Variants in WDFY3 observed in about 807,000 individuals in gnomAD.
The protein encoded by WDFY3 is WD repeat and FYVE domain containing 3, also known as WD repeat and FYVE domain-containing protein 3.
In WDFY3, 66 loss-of-function variants were observed where a neutral mutation model predicts 409.6. The observed-to-expected ratio is 0.16, with a 90% CI of 0.13 to 0.20. The LOEUF (loss-of-function observed/expected upper bound fraction) is 0.20, where lower values mean the gene tolerates loss of function less well. Ranked by LOEUF, WDFY3 falls within the 10% of genes least tolerant of loss-of-function variation. The pLI is 1.00. For missense variants in WDFY3, 3,031 were observed against 4,298.1 expected, an observed-to-expected ratio of 0.71 and a Z score of 8.24; for synonymous variants, 1,521 against 1,537.1, an observed-to-expected ratio of 0.99 and a Z score of 0.25.
At chr4:84,920,091 G>A (rs1401209696) in intron 2 of WDFY3, among the ~76,000 whole-genome samples, 2 of 152,062 alleles carry the variant, frequency 1.3e-5, no homozygotes, top group Non-Finnish European at 2.9e-5. Flanking sequence ...TCTGAAAAGG[G>A]AGAGAAAGGA....
chr4:84,767,636 A>T (rs1339481421), intron 30 of WDFY3, among the ~76,000 whole-genome samples: 6 of 151,876 alleles, frequency 4.0e-5, no homozygotes. Context: ...AAAAAAAAAA[A>T]GAAAAGAAAC....
In WDFY3 at chr4:84,722,499, T is replaced by C. The variant is rs534557157; in HGVS notation, c.7442-927A>G. Among the ~76,000 whole-genome samples the C allele has an allele frequency of 9.3e-4, 141 of 152,342 alleles. 3 individuals are homozygous for C. The South Asian group carries it at 0.028, about 30-fold the overall frequency. ...GGCAGTATGGCTTTTCATACATGAA[T>C]TAATTTGATCAAAATACCAGGTCAG... On this transcript the variant is annotated intron_variant, in intron 46 of 67. Coordinates refer to ENST00000295888, the MANE Select transcript of WDFY3 (RefSeq NM_014991.6).
At chr4:84,844,792 C>G (rs1757857762) in intron 5 of WDFY3, among the ~76,000 whole-genome samples, 1 of 152,166 alleles carries the variant, frequency 6.6e-6, no homozygotes, top group African/African-American at 2.4e-5. Flanking sequence ...GCTGAGCTAA[C>G]TAGAAGAGAT....
rs1731577270 is a variant in WDFY3 at position 84,704,410 on chromosome 4, A to G, written c.8370T>C (p.Tyr2790=). 6.2e-7 allele frequency: 1 copy of G among 1,613,306 alleles called. No individual in the cohort carries two copies. The highest frequency in any genetic ancestry group is 1.3e-5 in the African/African-American group (1 of 75,036). Residue 2790 remains tyrosine (Y), a synonymous_variant, in exon 55 of 68, where the codon TAT becomes TAC. Transcript: ENST00000295888. The part of the protein sequence containing the change: ...ETPAYHYGTH[Y]SSAMIVASYL... ...ATGAGGCCACAATCATTGCAGATGA[A>G]TAGTGGGTCCCATAGTGGTATGCAG...
At chr4:84,929,401 T>C (rs1213307019) in intron 2 of WDFY3, among the ~76,000 whole-genome samples, 1 of 151,856 alleles carries the variant, frequency 6.6e-6, no homozygotes, top group Non-Finnish European at 1.5e-5. Context: ...CAAAAACAGA[T>C]AATGTTTGCA....
rs757073200 is a variant in WDFY3 at position 84,810,334 on chromosome 4, G to A, written c.1898C>T (p.Ser633Leu). 22 of 1,588,226 alleles carry A rather than the reference G, an allele frequency of 1.4e-5. No homozygotes were observed. The highest frequency in any genetic ancestry group is 8.6e-5 in the Admixed American group (5 of 58,020). ...LKTDILRALL[S>L]VLRESHRSRT... ...TGAACGATGGCTTTCTCGAAGGACCGACAGGAGGGCCTACAGGAGACAAAA... is the reference window on the plus strand; with the variant it reads ...TGAACGATGGCTTTCTCGAAGGACCAACAGGAGGGCCTACAGGAGACAAAA... Residue 633 changes from serine (S) to leucine (L), a missense_variant, in exon 14 of 68, where the codon TCG becomes TTG. This residue lies in a region of WDFY3 where 1,322 missense variants were observed against 1,697.9 expected (regional missense o/e 0.78). Transcript: ENST00000295888.
intron 2 of WDFY3, among the ~76,000 whole-genome samples, chr4:84,905,716 C>T (rs1488919400): frequency 6.6e-6 from 1 of 152,180 alleles, no homozygotes. Context: ...AAAAGCCATA[C>T]TCCTTACCAT....
At chr4:84,852,728 T>A (rs957371868) in intron 4 of WDFY3, among the ~76,000 whole-genome samples, 15 of 152,150 alleles carry the variant, frequency 9.9e-5, no homozygotes, top group African/African-American at 3.6e-4. Flanking sequence ...ATACTACTTG[T>A]TAAATAATCT....
At chr4:84,704,893 A>G (rs1184641795) in intron 54 of WDFY3, among the ~76,000 whole-genome samples, 5 of 152,218 alleles carry the variant, frequency 3.3e-5, no homozygotes, top group Admixed American at 3.3e-4. Flanking sequence ...AAGAGTTCAC[A>G]TAGGACTACA....
chr4:84,677,575 A>C (rs749921898), intron 66 of WDFY3, among the ~76,000 whole-genome samples, 179 bp from the exon 67 acceptor site: 4 of 152,204 alleles, frequency 2.6e-5, no homozygotes, highest in Admixed American at 6.5e-5. Flanking sequence ...ACCGAGCCCA[A>C]ATTTACACTT....
chr4:84,692,043 C>A (rs1729353966), intron 59 of WDFY3, among the ~76,000 whole-genome samples: 1 of 152,206 alleles, frequency 6.6e-6, no homozygotes, highest in South Asian at 2.1e-4. Flanking sequence ...TGGGTACTAC[C>A]ATTCAGGTTT....
intron 3 of WDFY3, among the ~76,000 whole-genome samples, chr4:84,871,379 T>A (rs886388281): frequency 6.6e-6 from 1 of 152,128 alleles, no homozygotes; most frequent in Admixed American, 6.5e-5. Flanking sequence ...AACATACCAA[T>A]TTCCCACCCA....
At chr4:84,715,206 T>G in intron 50 of WDFY3, 92 bp downstream of exon 50, 1 of 689,462 alleles carries the variant, frequency 1.5e-6, no homozygotes. Context: ...GGCTCATTGA[T>G]CTAGATTTTT....
Position 84,820,087 on chromosome 4 carries a change from G to C in WDFY3, c.1691C>G (p.Ala564Gly). The C allele has an allele frequency of 1.3e-6, 2 of 1,597,342 alleles. No individual in the cohort carries two copies. Among genetic ancestry groups the C allele is most frequent in the Admixed American group, 1.7e-5 (1 of 57,692 alleles). Reference sequence around the variant, plus strand: ...TTGCTTGCAGCTTTTTAAATTACCTGCATTTGTGTTTGATCCTTGAAGAAG... The same window carrying C: ...TTGCTTGCAGCTTTTTAAATTACCTCCATTTGTGTTTGATCCTTGAAGAAG... ...TVLLQGSNTN[A>G]GIFREFGGAR... Residue 564 changes from alanine (A) to glycine (G), a missense_variant and splice_region_variant, in exon 12 of 68, where the codon GCA becomes GGA. Ala to Gly is a moderately conservative substitution (Grantham distance 60, BLOSUM62 0). This residue lies in a region of WDFY3 where 1,322 missense variants were observed against 1,697.9 expected (regional missense o/e 0.78). Transcript: ENST00000295888.
intron 24 of WDFY3, 24 bp downstream of exon 24, chr4:84,785,955 A>G: frequency 6.2e-7 from 1 of 1,612,814 alleles, no homozygotes; most frequent in Non-Finnish European, 8.5e-7. Context: ...CAGCCATAGT[A>G]CACCAAGAAA....
At chr4:84,762,592 A>T (rs932197077) in intron 32 of WDFY3, among the ~76,000 whole-genome samples, 2 of 151,972 alleles carry the variant, frequency 1.3e-5, no homozygotes, top group Non-Finnish European at 2.9e-5. Context: ...GTGCACATGT[A>T]CCCTAAAACT....
intron 36 of WDFY3, among the ~76,000 whole-genome samples, chr4:84,745,097 C>T (rs957410913): frequency 6.6e-6 from 1 of 151,680 alleles, no homozygotes; most frequent in Non-Finnish European, 1.5e-5. Flanking sequence ...AGTCTACTGA[C>T]AACAATTCTA....
At chr4:84,676,465 C>A (rs1726316456) in intron 67 of WDFY3, among the ~76,000 whole-genome samples, 1 of 152,036 alleles carries the variant, frequency 6.6e-6, no homozygotes, top group Admixed American at 6.6e-5. Flanking sequence ...TTGGCAATAT[C>A]TAATTAAGAT....
chr4:84,942,546 A>G (rs1772279408), intron 1 of WDFY3, among the ~76,000 whole-genome samples: 1 of 152,194 alleles, frequency 6.6e-6, no homozygotes, highest in Non-Finnish European at 1.5e-5. Flanking sequence ...AATGGAATTT[A>G]TAGATCCTAA....
Sources: allele counts gnomAD v4.1 joint callset (sites outside exome capture counted in the v4.1 genomes callset), GRCh38; gene constraint gnomAD v4.1.1; regional missense constraint gnomAD v4.1.1; transcripts MANE v1.5; gene names NCBI Gene and HGNC (gene_info 2026-07-23, HGNC 2026-07-21).